Variants in SUPT3H observed in about 807,000 individuals in gnomAD.
SUPT3H encodes SPT3 homolog, SAGA and STAGA complex component, also known as transcription initiation protein SPT3 homolog.
In SUPT3H, 44 loss-of-function variants were observed where a neutral mutation model predicts 44.3. That is an observed-to-expected ratio of 0.99 (90% CI 0.78 to 1.28). SUPT3H has a LOEUF of 1.28. SUPT3H is among the 50% of genes most tolerant of loss of function. The pLI is 0.00. For missense variants in SUPT3H, 380 were observed against 387.1 expected (o/e 0.98, Z 0.15); for synonymous variants, 124 against 125.6 (o/e 0.99, Z 0.09).
intron 2 of SUPT3H, among the ~76,000 whole-genome samples, chr6:45,283,501 A>C (rs1205132174): frequency 1.3e-5 from 2 of 152,182 alleles, no homozygotes; most frequent in South Asian, 2.1e-4. Flanking sequence ...GCCATTACAT[A>C]ATGGTAAAGG....
Position 44,987,705 on chromosome 6 carries a change from G to C in SUPT3H, c.504+15948C>G, listed in dbSNP as rs149799926. 1.3e-4 allele frequency among the ~76,000 whole-genome samples: 20 copies of C among 152,168 alleles called. No homozygotes were observed. In the East Asian group the frequency reaches 3.7e-3, roughly 28 times the overall value. ...AAAGCTTTTTTTGTTTGTTTAAGAT[G>C]GGGGAAATTATAACATTTTTCTGTG... On this transcript the variant is annotated intron_variant, in intron 6 of 10. Coordinates refer to ENST00000371459, the MANE Select transcript of SUPT3H (RefSeq NM_003599.4).
chr6:45,242,385 G>A (rs1218161805), intron 2 of SUPT3H, among the ~76,000 whole-genome samples: 5 of 152,188 alleles, frequency 3.3e-5, no homozygotes, highest in African/African-American at 4.8e-5. Flanking sequence ...AGTCTCCACT[G>A]ATGTCCCCTT....
chr6:44,910,438 C>G (rs1342729911), intron 10 of SUPT3H, among the ~76,000 whole-genome samples: 1 of 152,054 alleles, frequency 6.6e-6, no homozygotes, highest in African/African-American at 2.4e-5. Context: ...AAAATTAAAA[C>G]TTTTTCAAAC....
intron 2 of SUPT3H, among the ~76,000 whole-genome samples, chr6:45,352,035 C>G (rs1792164161): frequency 6.6e-6 from 1 of 152,144 alleles, no homozygotes; most frequent in East Asian, 1.9e-4. Context: ...TCTTTGCCAT[C>G]CCAACCAGCT....
At chr6:44,985,909 C>T (rs2153493327) in intron 6 of SUPT3H, among the ~76,000 whole-genome samples, 1 of 152,220 alleles carries the variant, frequency 6.6e-6, no homozygotes, top group South Asian at 2.1e-4. Context: ...AACTGAGTGT[C>T]CTTGGCCCTT....
intron 2 of SUPT3H, among the ~76,000 whole-genome samples, chr6:45,220,046 A>AG (rs1765768275): frequency 6.7e-6 from 1 of 148,514 alleles, no homozygotes; most frequent in Non-Finnish European, 1.5e-5. Context: ...GTCTCAAAAA[A>AG]AAAAAAAAAA....
intron 9 of SUPT3H, among the ~76,000 whole-genome samples, chr6:44,946,680 C>T (rs1163013841): frequency 6.6e-6 from 1 of 152,108 alleles, no homozygotes; most frequent in Non-Finnish European, 1.5e-5. Context: ...ATGGATGAGT[C>T]AAGAAAGTGG....
At chr6:45,296,184 C>CTA (rs144309163) in intron 2 of SUPT3H, among the ~76,000 whole-genome samples, 2,622 of 69,322 alleles carry the variant, frequency 0.038, 49 homozygotes, top group South Asian at 0.15. Flanking sequence ...CATACACATA[C>CTA]TACACACACA....
At chr6:45,065,098 A>G (rs1401058597) in intron 3 of SUPT3H, among the ~76,000 whole-genome samples, 1 of 151,106 alleles carries the variant, frequency 6.6e-6, no homozygotes, top group Non-Finnish European at 1.5e-5. Flanking sequence ...AACAGAAATT[A>G]TAACAAACTA....
At chr6:45,113,732 A>G (rs13194953) in intron 2 of SUPT3H, among the ~76,000 whole-genome samples, 1 of 149,246 alleles carries the variant, frequency 6.7e-6, no homozygotes, top group African/African-American at 2.5e-5. Context: ...TGGGAGGTTG[A>G]GGCAGGAGAG....
chr6:44,815,342 T>G (rs759570065), intron 11 of SUPT3H, among the ~76,000 whole-genome samples: 27 of 152,212 alleles, frequency 1.8e-4, no homozygotes, highest in Non-Finnish European at 3.8e-4. Flanking sequence ...ATTGTAGATT[T>G]AAATGTAACC....
chr6:45,071,473 A>C (rs143304317), intron 3 of SUPT3H, among the ~76,000 whole-genome samples: 1 of 152,262 alleles, frequency 6.6e-6, no homozygotes, highest in African/African-American at 2.4e-5. Context: ...TCAAGGAGAA[A>C]GAGTCAGCAG....
intron 3 of SUPT3H, among the ~76,000 whole-genome samples, chr6:45,055,786 C>G (rs548690349): frequency 6.6e-6 from 1 of 152,158 alleles, no homozygotes; most frequent in East Asian, 1.9e-4. Flanking sequence ...TGACCAAAAA[C>G]CCAAAAGCAA....
chr6:45,299,311 G>A (rs1781776727), intron 2 of SUPT3H, among the ~76,000 whole-genome samples: 1 of 147,696 alleles, frequency 6.8e-6, no homozygotes, highest in Non-Finnish European at 1.5e-5. Flanking sequence ...ACTCCAGCTT[G>A]GGCAACACAG....
intron 4 of SUPT3H, among the ~76,000 whole-genome samples, chr6:45,017,098 T>C (rs1430498511): frequency 2.0e-5 from 3 of 152,140 alleles, no homozygotes; most frequent in Non-Finnish European, 2.9e-5. Context: ...TGGCCAGTGA[T>C]GATGAACATT....
At chr6:45,034,848 A>T (rs1042288365) in intron 3 of SUPT3H, among the ~76,000 whole-genome samples, 2 of 152,188 alleles carry the variant, frequency 1.3e-5, no homozygotes, top group Non-Finnish European at 2.9e-5. Context: ...GAGAACAGCT[A>T]AGTGACAAAA....
At chr6:44,980,284 T>G (rs1340788644) in intron 6 of SUPT3H, among the ~76,000 whole-genome samples, 1 of 151,604 alleles carries the variant, frequency 6.6e-6, no homozygotes, top group African/African-American at 2.4e-5. Flanking sequence ...AAGTCCTCAC[T>G]TCATCTCATT....
chr6:44,879,582 G>A (rs1777874575), intron 10 of SUPT3H, among the ~76,000 whole-genome samples: 1 of 150,532 alleles, frequency 6.6e-6, no homozygotes, highest in African/African-American at 2.4e-5. Flanking sequence ...TCTGCCAAGG[G>A]ACAGGCTGCC....
intron 7 of SUPT3H, among the ~76,000 whole-genome samples, chr6:44,954,856 TGCTATATG>T (rs769941436): frequency 1.3e-5 from 2 of 152,220 alleles, no homozygotes; most frequent in Non-Finnish European, 2.9e-5. Context: ...TTTACACCTA[TGCTATATG>T]ACATAGTATA....
Sources: gnomAD v4.1 joint callset for allele counts (sites outside exome capture counted in the v4.1 genomes callset) on GRCh38, gnomAD v4.1.1 for gene constraint, MANE v1.5 for transcripts, NCBI Gene and HGNC (gene_info 2026-07-23, HGNC 2026-07-21) for gene names.